Variants in IFT81 observed in about 807,000 individuals in gnomAD.
IFT81 encodes the protein intraflagellar transport protein 81 homolog.
IFT81 carries 72 observed loss-of-function variants against 102.6 expected under a neutral mutation model. The ratio of observed to expected loss-of-function variants is 0.70; its 90% CI spans 0.58 to 0.85. IFT81 has a LOEUF of 0.85. Among genes scored for constraint, IFT81 ranks in the 40% least tolerant of loss-of-function variants. The pLI is 0.00. For synonymous variants in IFT81, 237 were observed against 242.7 expected, an observed-to-expected ratio of 0.98 and a Z score of 0.22; for missense variants, 723 against 787.3, an observed-to-expected ratio of 0.92 and a Z score of 0.98.
At chr12:110,203,622 T>G (rs1265561967) in intron 14 of IFT81, 1 of 447,646 alleles carries the variant, frequency 2.2e-6, no homozygotes, top group Non-Finnish European at 4.1e-6. Context: ...TTTTATTCAC[T>G]ATTGTCTCCC....
intron 10 of IFT81, among the ~76,000 whole-genome samples, chr12:110,155,158 G>A (rs1310017007): frequency 6.6e-5 from 10 of 152,072 alleles, no homozygotes; most frequent in African/African-American, 1.9e-4. Context: ...AAAATTTAAA[G>A]TTATTTCATC....
At chr12:110,178,951 C>T (rs530729767) in intron 11 of IFT81, among the ~76,000 whole-genome samples, 2 of 151,706 alleles carry the variant, frequency 1.3e-5, no homozygotes, top group South Asian at 2.1e-4. Context: ...ACTTTGTTTG[C>T]TCTTCCAAAC....
At chr12:110,145,140 C>T (rs114192677) in intron 9 of IFT81, among the ~76,000 whole-genome samples, 2,534 of 150,622 alleles carry the variant, frequency 0.017, 75 homozygotes, top group African/African-American at 0.058. Flanking sequence ...TCAAGTGATC[C>T]TCCACCTGAG....
chr12:110,170,816 G>C (rs567101500), intron 11 of IFT81, among the ~76,000 whole-genome samples: 2 of 152,292 alleles, frequency 1.3e-5, no homozygotes, highest in East Asian at 1.9e-4. Flanking sequence ...AATATGCTTG[G>C]TCAAATAATA....
At chr12:110,200,237 A>T (rs1028256480) in intron 14 of IFT81, among the ~76,000 whole-genome samples, 7 of 152,180 alleles carry the variant, frequency 4.6e-5, no homozygotes, top group African/African-American at 1.7e-4. Flanking sequence ...CATTGTGCAA[A>T]CACCATAGAG....
rs150234591 is a variant in IFT81 at position 110,137,300 on chromosome 12, A to T, written c.781+440A>T. Among the ~76,000 whole-genome samples, 1,045 of 152,242 alleles carry T rather than the reference A, an allele frequency of 6.9e-3. 7 individuals carry two copies. Among genetic ancestry groups the T allele is most frequent in the African/African-American group, 0.024 (992 of 41,548 alleles). ...GGTTGCAGTGAGCCGAGACCGCGCC[A>T]CTGCAGCCCAGCCTGGGCGACAGAG... On this transcript the variant is annotated intron_variant, in intron 8 of 18. Coordinates refer to ENST00000242591, the MANE Select transcript of IFT81 (RefSeq NM_014055.4).
At chr12:110,191,171 T>A (rs1897781629) in intron 13 of IFT81, 123 bp downstream of exon 13, 1 of 874,592 alleles carries the variant, frequency 1.1e-6, no homozygotes, top group African/African-American at 1.8e-5. Flanking sequence ...CTTTCATCTT[T>A]TTTTTTTTTT....
chr12:110,135,476 A>C, intron 7 of IFT81, 39 bp downstream of exon 7: 1 of 1,167,280 alleles, frequency 8.6e-7, no homozygotes, highest in Non-Finnish European at 1.3e-6. Context: ...TATGAAGGAA[A>C]TAGTTCCTTC....
intron 14 of IFT81, among the ~76,000 whole-genome samples, chr12:110,197,516 T>A (rs935631184): frequency 6.8e-6 from 1 of 147,258 alleles, no homozygotes; most frequent in Non-Finnish European, 1.5e-5. Flanking sequence ...TCTGTTTTTT[T>A]ATCTTCTATT....
At chr12:110,181,505 T>C (rs1897312755) in intron 12 of IFT81, among the ~76,000 whole-genome samples, 1 of 152,218 alleles carries the variant, frequency 6.6e-6, no homozygotes, top group Admixed American at 6.5e-5. Flanking sequence ...CCTGTGAAAT[T>C]TGTAGTCTTG....
In IFT81 at chr12:110,143,527, T is replaced by G; in HGVS notation, c.927T>G (p.Leu309=). The change falls in exon 9 of 19, where the codon CTT becomes CTG. Residue 309 remains leucine (L), a synonymous_variant. Transcript: ENST00000242591. ...AGCCAGCTATGGGCCATTCTGATCT[T>G]CTTGAACTTGAATCTAAAGTAAGTG... ...VSEPAMGHSD[L]LELESKINEI... is the part of the protein sequence containing the mutation. 1 of 1,555,796 alleles carries G rather than the reference T, an allele frequency of 6.4e-7. No homozygotes were observed.
At chr12:110,198,405 A>G (rs1898112530) in intron 14 of IFT81, among the ~76,000 whole-genome samples, 1 of 150,672 alleles carries the variant, frequency 6.6e-6, no homozygotes, top group African/African-American at 2.4e-5. Flanking sequence ...TGGTTTTCAT[A>G]TTTTTATCTT....
At chr12:110,137,034 C>T (rs1406739806) in intron 8 of IFT81, among the ~76,000 whole-genome samples, 174 bp downstream of exon 8, 1 of 152,186 alleles carries the variant, frequency 6.6e-6, no homozygotes, top group South Asian at 2.1e-4. Context: ...CCTGGGTTTT[C>T]ACCAGATGTT....
chr12:110,171,132 A>C (rs1896705189), intron 11 of IFT81, among the ~76,000 whole-genome samples: 1 of 152,196 alleles, frequency 6.6e-6, no homozygotes, highest in Non-Finnish European at 1.5e-5. Flanking sequence ...GGCCCCTAAA[A>C]TTTCCCAAGA....
chr12:110,135,792 AGGAAGTGGAGGTTGAGGT>A (rs1593282350), intron 7 of IFT81, among the ~76,000 whole-genome samples: 1 of 151,366 alleles, frequency 6.6e-6, no homozygotes, highest in East Asian at 1.9e-4. Flanking sequence ...ACTTGAACCC[AGGAAGTGGAGGTTGAGGT>A]GAGCTGAGAT....
intron 10 of IFT81, among the ~76,000 whole-genome samples, chr12:110,158,614 G>C (rs1895970218): frequency 6.6e-6 from 1 of 151,314 alleles, no homozygotes; most frequent in East Asian, 1.9e-4. Flanking sequence ...TTTTGAAATG[G>C]AGTCTCGCTC....
intron 11 of IFT81, chr12:110,171,965 A>T (rs1263658716): frequency 1.3e-5 from 2 of 152,238 alleles, no homozygotes; most frequent in Non-Finnish European, 2.9e-5. Context: ...ACATCGTTTG[A>T]TGAAATAACT....
At chr12:110,154,579 A>G (rs1895732347) in intron 10 of IFT81, among the ~76,000 whole-genome samples, 1 of 150,228 alleles carries the variant, frequency 6.7e-6, no homozygotes, top group Non-Finnish European at 1.5e-5. Context: ...GTGAGTCAAG[A>G]TCATGCCTCT....
intron 11 of IFT81, among the ~76,000 whole-genome samples, chr12:110,176,220 TG>T (rs1897028725): frequency 6.6e-6 from 1 of 152,168 alleles, no homozygotes. Flanking sequence ...ACCAGCCTCC[TG>T]GTCCACACTT....
Sources: gnomAD v4.1 joint callset for allele counts (sites outside exome capture counted in the v4.1 genomes callset) on GRCh38, gnomAD v4.1.1 for gene constraint, MANE v1.5 for transcripts, NCBI Gene and HGNC (gene_info 2026-07-23, HGNC 2026-07-21) for gene names.